The following POU2F1 variants were observed in gnomAD, a reference collection of about 807,000 sequenced individuals.
The protein encoded by POU2F1 is POU class 2 homeobox 1, also known as POU domain, class 2, transcription factor 1.
Under a neutral mutation model 84.9 loss-of-function variants are expected in POU2F1, and 16 were observed. The ratio of observed to expected loss-of-function variants is 0.19; its 90% CI spans 0.13 to 0.29. The LOEUF (loss-of-function observed/expected upper bound fraction) is 0.29. Among genes scored for constraint, POU2F1 ranks in the 10% least tolerant of loss-of-function variants. The probability of loss-of-function intolerance (pLI) is 1.00; values close to 1 mark genes in which losing one functional copy is unlikely to be tolerated. For synonymous variants in POU2F1, 368 were observed against 368.3 expected (o/e 1.00, Z 0.01); for missense variants, 738 against 942.6 (o/e 0.78, Z 2.84).
Position 167,270,183 on chromosome 1 carries a change from C to T in POU2F1, c.61+49225C>T, listed in dbSNP as rs140582741. Among the ~76,000 whole-genome samples, 5 of 151,968 alleles carry T rather than the reference C, an allele frequency of 3.3e-5. No individual in the cohort carries two copies. The East Asian group carries it at 9.7e-4, about 29-fold the overall frequency. ...TTTCATGAGGAAATTTTTAGTATTC[C>T]TATTTTTTTCCCCATATGTTCTTCA... On this transcript the variant is annotated intron_variant, in intron 1 of 15. Coordinates refer to ENST00000367866, the MANE Select transcript of POU2F1 (RefSeq NM_002697.4).
chr1:167,232,701 G>T (rs1258454696), intron 1 of POU2F1, among the ~76,000 whole-genome samples: 1 of 152,048 alleles, frequency 6.6e-6, no homozygotes, highest in East Asian at 1.9e-4. Flanking sequence ...AAATTAGCTG[G>T]GTGTGGTGGC....
chr1:167,279,659 G>A (rs566657950), intron 1 of POU2F1, among the ~76,000 whole-genome samples: 20 of 152,088 alleles, frequency 1.3e-4, no homozygotes, highest in East Asian at 1.2e-3. Flanking sequence ...CGGAGATTGC[G>A]GTGAGCTGAG....
At chr1:167,388,968 GT>G (rs1557949704) in intron 8 of POU2F1, among the ~76,000 whole-genome samples, 1 of 151,770 alleles carries the variant, frequency 6.6e-6, no homozygotes, top group Non-Finnish European at 1.5e-5. Flanking sequence ...TTAAAACAAC[GT>G]TAAATAAGAA....
chr1:167,340,751 C>T (rs902558252), intron 2 of POU2F1, among the ~76,000 whole-genome samples: 6 of 151,868 alleles, frequency 4.0e-5, no homozygotes, highest in East Asian at 1.9e-4. Flanking sequence ...GTCTCCGATG[C>T]GCAAGATAAC....
At chr1:167,267,415 A>C (rs1467487900) in intron 1 of POU2F1, among the ~76,000 whole-genome samples, 1 of 151,926 alleles carries the variant, frequency 6.6e-6, no homozygotes, top group Non-Finnish European at 1.5e-5. Flanking sequence ...TAAAACCGTG[A>C]GACAGTGATC....
At chr1:167,248,038 T>C (rs1650463399) in intron 1 of POU2F1, among the ~76,000 whole-genome samples, 1 of 152,236 alleles carries the variant, frequency 6.6e-6, no homozygotes, top group South Asian at 2.1e-4. Flanking sequence ...TATTTTTCTT[T>C]ACAGAGTATA....
chr1:167,320,794 T>G (rs1441398028), intron 1 of POU2F1, among the ~76,000 whole-genome samples: 9 of 152,228 alleles, frequency 5.9e-5, no homozygotes, highest in Admixed American at 4.6e-4. Context: ...ATACGCTTGC[T>G]TCTCAATTAG....
chr1:167,295,210 G>T (rs1400730357), intron 1 of POU2F1, among the ~76,000 whole-genome samples: 2 of 151,894 alleles, frequency 1.3e-5, no homozygotes, highest in Non-Finnish European at 2.9e-5. Context: ...ATCATTATAT[G>T]AAAAAGACGC....
intron 1 of POU2F1, among the ~76,000 whole-genome samples, chr1:167,264,318 G>A (rs1651787394): frequency 6.6e-6 from 1 of 151,970 alleles, no homozygotes; most frequent in South Asian, 2.1e-4. Flanking sequence ...GAGTGGAGAA[G>A]GGCATTCTAA....
intron 1 of POU2F1, among the ~76,000 whole-genome samples, chr1:167,299,163 C>CAAAAAAAAAAAAAAAAAAAAAAAAAAAAA (rs71073663): frequency 1.0e-5 from 1 of 96,856 alleles, no homozygotes; most frequent in Non-Finnish European, 2.0e-5. Context: ...AACGCCATCT[C>CAAAAAAAAAAAAAAAAAAAAAAAAAAAAA]AAAAAAAAAA....
intron 13 of POU2F1, among the ~76,000 whole-genome samples, chr1:167,403,616 T>C (rs1649356495): frequency 6.6e-6 from 1 of 152,392 alleles, no homozygotes; most frequent in East Asian, 1.9e-4. Flanking sequence ...GTAGCATGTT[T>C]CTTTATCATG....
At chr1:167,412,790 G>C (rs1184794472) in intron 14 of POU2F1, among the ~76,000 whole-genome samples, 2 of 152,108 alleles carry the variant, frequency 1.3e-5, no homozygotes, top group Non-Finnish European at 2.9e-5. Flanking sequence ...TTTCAAAGAA[G>C]GGTCAAAATG....
intron 1 of POU2F1, among the ~76,000 whole-genome samples, chr1:167,263,630 C>T (rs1179267305): frequency 6.6e-6 from 1 of 152,080 alleles, no homozygotes; most frequent in Non-Finnish European, 1.5e-5. Context: ...AACACAGTTC[C>T]GATTGGTATA....
chr1:167,221,649 G>A (rs1402463849), intron 1 of POU2F1, among the ~76,000 whole-genome samples: 1 of 151,008 alleles, frequency 6.6e-6, no homozygotes, highest in Non-Finnish European at 1.5e-5. Flanking sequence ...GCGCGGGGCT[G>A]AGCCCGGGGG....
intron 1 of POU2F1, chr1:167,257,727 A>G (rs991854613): frequency 9.2e-5 from 14 of 151,918 alleles, no homozygotes; most frequent in Admixed American, 5.2e-4. Flanking sequence ...TGTGCCTGAC[A>G]CTGCTAAACT....
At chr1:167,306,407 T>G (rs1357499888) in intron 1 of POU2F1, among the ~76,000 whole-genome samples, 2 of 152,202 alleles carry the variant, frequency 1.3e-5, no homozygotes, top group Non-Finnish European at 2.9e-5. Context: ...TAAAATTTTT[T>G]CTTGTACTAG....
chr1:167,405,416 G>C (rs571545958), intron 13 of POU2F1, among the ~76,000 whole-genome samples: 26 of 151,900 alleles, frequency 1.7e-4, no homozygotes, highest in Non-Finnish European at 3.4e-4. Context: ...AGTGGCTTAT[G>C]CCTATAATCC....
intron 12 of POU2F1, among the ~76,000 whole-genome samples, chr1:167,400,733 A>G (rs191560402): frequency 6.6e-6 from 1 of 152,316 alleles, no homozygotes; most frequent in Non-Finnish European, 1.5e-5. Context: ...AGATGGGAAT[A>G]TTGTTGAGTT....
chr1:167,387,903 CAAAGAAG>C (rs1648108385), intron 8 of POU2F1, among the ~76,000 whole-genome samples: 1 of 152,174 alleles, frequency 6.6e-6, no homozygotes, highest in East Asian at 1.9e-4. Flanking sequence ...AAATATTCAA[CAAAGAAG>C]AAGCTAGCAG....
Sources: gnomAD v4.1 joint callset for allele counts (sites outside exome capture counted in the v4.1 genomes callset) on GRCh38, gnomAD v4.1.1 for gene constraint, MANE v1.5 for transcripts, NCBI Gene and HGNC (gene_info 2026-07-23, HGNC 2026-07-21) for gene names.